The following CNTNAP2 variants were observed in gnomAD, a reference collection of about 807,000 sequenced individuals.
The protein encoded by CNTNAP2 is contactin-associated protein-like 2.
A neutral mutation model predicts 155.2 loss-of-function variants in CNTNAP2; 98 were observed. That is an observed-to-expected ratio of 0.63 (90% confidence interval 0.54 to 0.75). The LOEUF (loss-of-function observed/expected upper bound fraction) is 0.75, where lower values mean the gene tolerates loss of function less well. Ranked by LOEUF, CNTNAP2 falls within the 30% of genes least tolerant of loss-of-function variation. The pLI, the probability that CNTNAP2 is intolerant of heterozygous loss-of-function variation, is 0.00. For synonymous variants in CNTNAP2, 651 were observed against 631.2 expected, an observed-to-expected ratio of 1.03 and a Z score of -0.47; for missense variants, 1,727 against 1,688.1, an observed-to-expected ratio of 1.02 and a Z score of -0.40.
chr7:146,894,959 A>T (rs1176675223), intron 3 of CNTNAP2, among the ~76,000 whole-genome samples: 2 of 152,172 alleles, frequency 1.3e-5, no homozygotes, highest in Non-Finnish European at 2.9e-5. Flanking sequence ...CTCTTTGCTT[A>T]GGTTACTACA....
intron 1 of CNTNAP2, among the ~76,000 whole-genome samples, chr7:146,488,845 T>G (rs906728834): frequency 1.1e-4 from 16 of 152,266 alleles, no homozygotes; most frequent in African/African-American, 3.8e-4. Context: ...AGCCTCAAAC[T>G]CCTGGGCTCA....
chr7:148,360,375 C>T (rs758801475), intron 21 of CNTNAP2, among the ~76,000 whole-genome samples: 23 of 152,056 alleles, frequency 1.5e-4, no homozygotes, highest in Non-Finnish European at 3.4e-4. Flanking sequence ...TGTGAAGCAA[C>T]GAAGGAAATT....
chr7:147,000,112 G>T (rs746658401), intron 3 of CNTNAP2, among the ~76,000 whole-genome samples: 1 of 151,564 alleles, frequency 6.6e-6, no homozygotes, highest in Non-Finnish European at 1.5e-5. Context: ...TTGTGTATCA[G>T]TTTAGAGAAT....
chr7:146,311,625 A>AAAAAAAAG (rs1800823658), intron 1 of CNTNAP2: 2 of 145,732 alleles, frequency 1.4e-5, no homozygotes, highest in African/African-American at 2.6e-5. Flanking sequence ...AAAAAAAAAA[A>AAAAAAAAG]AAAGAAAGAA....
At chr7:146,149,200 C>G (rs1355043172) in intron 1 of CNTNAP2, among the ~76,000 whole-genome samples, 1 of 150,866 alleles carries the variant, frequency 6.6e-6, no homozygotes, top group Non-Finnish European at 1.5e-5. Flanking sequence ...AAATTTGGAC[C>G]ACAAAAAAAA....
At chr7:146,656,010 A>G (rs894763276) in intron 1 of CNTNAP2, among the ~76,000 whole-genome samples, 2 of 152,174 alleles carry the variant, frequency 1.3e-5, no homozygotes, top group African/African-American at 4.8e-5. Flanking sequence ...TGTATTGTCT[A>G]TTATCAGTTA....
At chr7:146,854,982 T>G (rs2129203844) in intron 3 of CNTNAP2, among the ~76,000 whole-genome samples, 1 of 152,288 alleles carries the variant, frequency 6.6e-6, no homozygotes, top group African/African-American at 2.4e-5. Context: ...AGAGAAAATT[T>G]CCATGTCTAT....
chr7:147,804,552 T>A (rs1798059878), intron 13 of CNTNAP2, among the ~76,000 whole-genome samples: 1 of 142,778 alleles, frequency 7.0e-6, no homozygotes, highest in Admixed American at 7.0e-5. Context: ...TTTTGTTTTT[T>A]TGTTTGTTTG....
At chr7:146,765,042 A>G (rs190105808) in intron 1 of CNTNAP2, among the ~76,000 whole-genome samples, 56 of 152,252 alleles carry the variant, frequency 3.7e-4, no homozygotes, top group South Asian at 2.7e-3. Flanking sequence ...ATTGATCATA[A>G]TAGATTTTCA....
At chr7:146,227,025 A>T (rs1315785153) in intron 1 of CNTNAP2, among the ~76,000 whole-genome samples, 1 of 152,224 alleles carries the variant, frequency 6.6e-6, no homozygotes, top group Non-Finnish European at 1.5e-5. Context: ...GAATACAACT[A>T]TGTATAAAAT....
chr7:146,645,401 A>C (rs2129162372), intron 1 of CNTNAP2, among the ~76,000 whole-genome samples: 1 of 152,290 alleles, frequency 6.6e-6, no homozygotes, highest in South Asian at 2.1e-4. Flanking sequence ...CTCATCCCTC[A>C]TTCTATGTCA....
chr7:148,355,165 G>GATTTTT (rs1563055120), intron 21 of CNTNAP2, among the ~76,000 whole-genome samples: 1 of 27,804 alleles, frequency 3.6e-5, no homozygotes, highest in Non-Finnish European at 6.2e-5. Flanking sequence ...GCCGCCAGCT[G>GATTTTT]CTTTTTTTTT....
At chr7:147,504,889 T>G (rs1427212091) in intron 11 of CNTNAP2, among the ~76,000 whole-genome samples, 1 of 151,838 alleles carries the variant, frequency 6.6e-6, no homozygotes, top group Non-Finnish European at 1.5e-5. Flanking sequence ...GGAAAATCTG[T>G]CCTTTGCTTC....
At chr7:146,482,399 T>TTATATATA (rs71763608) in intron 1 of CNTNAP2, among the ~76,000 whole-genome samples, 1 of 147,154 alleles carries the variant, frequency 6.8e-6, no homozygotes. Context: ...TGTGTGTGTA[T>TTATATATA]TATATATATA....
chr7:146,225,077 AAG>A (rs1562996628), intron 1 of CNTNAP2, among the ~76,000 whole-genome samples: 3 of 152,208 alleles, frequency 2.0e-5, no homozygotes, highest in South Asian at 2.1e-4. Flanking sequence ...GACAAAAAGA[AAG>A]AGCTTTTAAG....
At chr7:147,865,441 T>G (rs1799210743) in intron 13 of CNTNAP2, among the ~76,000 whole-genome samples, 1 of 152,238 alleles carries the variant, frequency 6.6e-6, no homozygotes, top group Non-Finnish European at 1.5e-5. Flanking sequence ...GTTGGCCTCA[T>G]AAAGTGAGTT....
At chr7:146,393,072 A>G (rs13243547) in intron 1 of CNTNAP2, among the ~76,000 whole-genome samples, 72 of 152,166 alleles carry the variant, frequency 4.7e-4, no homozygotes, top group Non-Finnish European at 8.8e-4. Context: ...TGAAGAAAAT[A>G]GTGCTTTTTG....
chr7:148,154,015 T>C (rs567662331), intron 17 of CNTNAP2, among the ~76,000 whole-genome samples: 1 of 152,354 alleles, frequency 6.6e-6, no homozygotes, highest in South Asian at 2.1e-4. Context: ...AGTGGCTCCT[T>C]GACAGAGGCT....
At chr7:146,337,843 A>C (rs1331562960) in intron 1 of CNTNAP2, among the ~76,000 whole-genome samples, 1 of 152,236 alleles carries the variant, frequency 6.6e-6, no homozygotes. Flanking sequence ...GCATGTGTGC[A>C]CAATTATACC....
Sources: allele counts gnomAD v4.1 joint callset (sites outside exome capture counted in the v4.1 genomes callset), GRCh38; gene constraint gnomAD v4.1.1; transcripts MANE v1.5; gene names NCBI Gene and HGNC (gene_info 2026-07-23, HGNC 2026-07-21).